Variants in RABGAP1L observed in about 807,000 individuals in gnomAD.
RABGAP1L encodes rab GTPase-activating protein 1-like.
In RABGAP1L, 63 loss-of-function variants were observed where a neutral mutation model predicts 137.7. That is an observed-to-expected ratio of 0.46 (90% CI 0.37 to 0.56). The LOEUF is 0.56. Ranked by LOEUF, RABGAP1L falls within the 20% of genes least tolerant of loss-of-function variation. The pLI, the probability that RABGAP1L is intolerant of heterozygous loss-of-function variation, is 0.00. For missense variants in RABGAP1L, 1,095 were observed against 1,244.0 expected (o/e 0.88, Z 1.80); for synonymous variants, 431 against 433.7 (o/e 0.99, Z 0.08).
chr1:174,829,124 C>T (rs1014362384), intron 19 of RABGAP1L, among the ~76,000 whole-genome samples: 2 of 147,722 alleles, frequency 1.4e-5, no homozygotes, highest in Non-Finnish European at 3.0e-5. Flanking sequence ...CTTGCCCCTC[C>T]CTAGATGCCT....
At chr1:174,226,385 AC>A (rs1670178848) in intron 3 of RABGAP1L, among the ~76,000 whole-genome samples, 1 of 152,176 alleles carries the variant, frequency 6.6e-6, no homozygotes, top group Non-Finnish European at 1.5e-5. Flanking sequence ...ACATAGCGAA[AC>A]CCAATCTCAA....
At chr1:174,346,387 G>T (rs966851966) in intron 11 of RABGAP1L, among the ~76,000 whole-genome samples, 9 of 152,062 alleles carry the variant, frequency 5.9e-5, no homozygotes, top group African/African-American at 2.2e-4. Context: ...TTTCTTTGCT[G>T]AAGACTTTTT....
chr1:174,223,442 C>CAA (rs370743713), intron 3 of RABGAP1L, among the ~76,000 whole-genome samples: 795 of 53,116 alleles, frequency 0.015, 29 homozygotes, highest in African/African-American at 0.039. Context: ...GACTCCATCT[C>CAA]AAAAAAAAAA....
chr1:174,642,399 A>G (rs1036606531), intron 14 of RABGAP1L, among the ~76,000 whole-genome samples: 2 of 152,190 alleles, frequency 1.3e-5, no homozygotes. Flanking sequence ...CTGCTGCATA[A>G]TTTTGGAGAA....
intron 1 of RABGAP1L, among the ~76,000 whole-genome samples, chr1:174,205,298 CAT>C (rs1668428269): frequency 1.3e-5 from 2 of 152,116 alleles, no homozygotes; most frequent in Non-Finnish European, 2.9e-5. Context: ...GTGCTGGCCT[CAT>C]AGAATGAGTT....
intron 10 of RABGAP1L, among the ~76,000 whole-genome samples, chr1:174,299,566 G>A (rs908874187): frequency 2.0e-5 from 3 of 152,190 alleles, no homozygotes; most frequent in Admixed American, 6.5e-5. Context: ...AAATTCTGGC[G>A]GAACCAGGCA....
chr1:174,551,015 T>TACACAC (rs1234317875), intron 13 of RABGAP1L, among the ~76,000 whole-genome samples: 1 of 126,750 alleles, frequency 7.9e-6, no homozygotes. Flanking sequence ...TATATATATA[T>TACACAC]ATATATACAT....
At chr1:174,647,627 T>C (rs532372664) in intron 14 of RABGAP1L, among the ~76,000 whole-genome samples, 1 of 152,306 alleles carries the variant, frequency 6.6e-6, no homozygotes, top group South Asian at 2.1e-4. Context: ...TATTGAGGAT[T>C]TTCGCATTGA....
At chr1:174,370,810 G>A (rs1484508359) in intron 11 of RABGAP1L, among the ~76,000 whole-genome samples, 169 bp from the exon 12 acceptor site, 2 of 151,736 alleles carry the variant, frequency 1.3e-5, no homozygotes, top group East Asian at 1.9e-4. Flanking sequence ...AAATATCTAG[G>A]CACTGAAGAT....
intron 19 of RABGAP1L, among the ~76,000 whole-genome samples, chr1:174,839,772 C>CA (rs1314122402): frequency 2.0e-5 from 3 of 152,176 alleles, no homozygotes; most frequent in Non-Finnish European, 1.5e-5. Context: ...AGGTGAAACA[C>CA]TATTGAGTAC....
At chr1:174,806,531 C>G (rs1689315834) in intron 18 of RABGAP1L, among the ~76,000 whole-genome samples, 1 of 152,092 alleles carries the variant, frequency 6.6e-6, no homozygotes, top group African/African-American at 2.4e-5. Context: ...TTGCTTAAGC[C>G]CAGGAGTTTG....
At chr1:174,404,187 G>A (rs746617293) in intron 13 of RABGAP1L, among the ~76,000 whole-genome samples, 8 of 152,164 alleles carry the variant, frequency 5.3e-5, no homozygotes, top group Non-Finnish European at 1.2e-4. Flanking sequence ...TTAATCAAAT[G>A]TGTAGAATAC....
intron 13 of RABGAP1L, among the ~76,000 whole-genome samples, chr1:174,634,689 A>C (rs1225624671): frequency 8.1e-6 from 1 of 123,346 alleles, no homozygotes; most frequent in Non-Finnish European, 1.6e-5. Flanking sequence ...TACACCATGG[A>C]ATACTATGCA....
intron 13 of RABGAP1L, 88 bp from the exon 14 acceptor site, chr1:174,637,287 G>T: frequency 2.3e-6 from 2 of 857,458 alleles, no homozygotes; most frequent in Admixed American, 2.3e-5. Flanking sequence ...TACTTTTCTT[G>T]CTGTTTGAGT....
chr1:174,168,264 CAAAAAAAAAA>C (rs3056992), intron 1 of RABGAP1L, among the ~76,000 whole-genome samples: 1 of 64,718 alleles, frequency 1.5e-5, no homozygotes, highest in Non-Finnish European at 3.0e-5. Flanking sequence ...GACTCGGTCT[CAAAAAAAAAA>C]AAAAAAAAAA....
intron 19 of RABGAP1L, among the ~76,000 whole-genome samples, chr1:174,931,617 A>C (rs775006695): frequency 4.6e-5 from 7 of 152,190 alleles, no homozygotes; most frequent in Non-Finnish European, 8.8e-5. Flanking sequence ...GGTATTAAAA[A>C]TTTTAATTAA....
chr1:174,525,165 A>C (rs1036636817), intron 13 of RABGAP1L, among the ~76,000 whole-genome samples: 1 of 151,916 alleles, frequency 6.6e-6, no homozygotes, highest in Non-Finnish European at 1.5e-5. Context: ...AATTCTTTTT[A>C]CTAACTCTGT....
chr1:174,891,987 CAAT>C (rs1656227240), intron 19 of RABGAP1L, among the ~76,000 whole-genome samples: 2 of 152,150 alleles, frequency 1.3e-5, no homozygotes, highest in African/African-American at 4.8e-5. Flanking sequence ...GTCTATAAAA[CAAT>C]AAAAGAAAAT....
intron 19 of RABGAP1L, among the ~76,000 whole-genome samples, chr1:174,918,778 A>G (rs1661300959): frequency 6.6e-6 from 1 of 151,710 alleles, no homozygotes; most frequent in African/African-American, 2.4e-5. Context: ...TCTTTTTTCA[A>G]AAAAGAAGAA....
Sources: allele counts gnomAD v4.1 joint callset (sites outside exome capture counted in the v4.1 genomes callset), GRCh38; gene constraint gnomAD v4.1.1; transcripts MANE v1.5; gene names NCBI Gene and HGNC (gene_info 2026-07-23, HGNC 2026-07-21).